Variants in HYDIN observed in about 807,000 individuals in gnomAD.
HYDIN encodes axonemal central pair apparatus protein HYDIN.
A neutral mutation model predicts 403.9 loss-of-function variants in HYDIN; 132 were observed. That is an observed-to-expected ratio of 0.33 (90% CI 0.28 to 0.38). HYDIN has a LOEUF of 0.38. Ranked by LOEUF, HYDIN falls within the 10% of genes least tolerant of loss-of-function variation. The pLI is 1.00. For synonymous variants in HYDIN, 1,202 were observed against 1,891.7 expected, an observed-to-expected ratio of 0.64 and a Z score of 9.46; for missense variants, 2,827 against 5,009.5, an observed-to-expected ratio of 0.56 and a Z score of 13.15.
chr16:71,116,635 A>C (rs1413049455), intron 9 of HYDIN, among the ~76,000 whole-genome samples: 2 of 152,164 alleles, frequency 1.3e-5, no homozygotes, highest in African/African-American at 4.8e-5. Context: ...GTACCAATCT[A>C]CAGTCCCACC....
intron 23 of HYDIN, among the ~76,000 whole-genome samples, chr16:71,006,250 C>A (rs900980660): frequency 6.8e-6 from 1 of 147,852 alleles, no homozygotes; most frequent in African/African-American, 2.5e-5. Context: ...AAAGGATGGT[C>A]AGTTAGAAGC....
chr16:71,193,564 A>C (rs1272034747), intron 1 of HYDIN, among the ~76,000 whole-genome samples: 1 of 152,218 alleles, frequency 6.6e-6, no homozygotes, highest in Non-Finnish European at 1.5e-5. Flanking sequence ...AGACATCCTT[A>C]GGCACAAAAT....
intron 58 of HYDIN, among the ~76,000 whole-genome samples, chr16:70,885,534 C>G (rs536951914): frequency 1.6e-4 from 25 of 152,152 alleles, no homozygotes; most frequent in African/African-American, 6.0e-4. Flanking sequence ...CAGCAGAAAG[C>G]TAGAAGAGAT....
intron 32 of HYDIN, 38 bp downstream of exon 32, chr16:70,974,496 C>T (rs766752371): frequency 6.4e-7 from 1 of 1,557,428 alleles, no homozygotes; most frequent in South Asian, 1.2e-5. Flanking sequence ...AGAGAAATGA[C>T]CAAGTGCAAT....
At chr16:70,942,719 A>G (rs1289659634) in intron 42 of HYDIN, among the ~76,000 whole-genome samples, 1 of 152,090 alleles carries the variant, frequency 6.6e-6, no homozygotes, top group African/African-American at 2.4e-5. Flanking sequence ...TGGCAACTGA[A>G]CAGGTACCGT....
chr16:70,978,579 C>T (rs1252805083), intron 30 of HYDIN, among the ~76,000 whole-genome samples: 1 of 152,188 alleles, frequency 6.6e-6, no homozygotes, highest in Non-Finnish European at 1.5e-5. Flanking sequence ...CACATGGCAG[C>T]CAGAGGGATC....
chr16:70,879,078 G>T (rs2040620292), intron 62 of HYDIN, among the ~76,000 whole-genome samples: 1 of 150,138 alleles, frequency 6.7e-6, no homozygotes, highest in Non-Finnish European at 1.5e-5. Flanking sequence ...CACTACCTTG[G>T]ACAGTAGTTA....
chr16:70,991,858 T>C, intron 24 of HYDIN, among the ~76,000 whole-genome samples: 1 of 151,970 alleles, frequency 6.6e-6, no homozygotes, highest in Non-Finnish European at 1.5e-5. Flanking sequence ...GAGAGGACAA[T>C]ATGATAGGAA....
intron 1 of HYDIN, among the ~76,000 whole-genome samples, chr16:71,187,824 G>A (rs1276215611): frequency 6.6e-6 from 1 of 151,970 alleles, no homozygotes; most frequent in Non-Finnish European, 1.5e-5. Flanking sequence ...TTTTAAAAAA[G>A]GAAAAAGGGG....
chr16:71,006,718 A>C (rs562299690), intron 23 of HYDIN, among the ~76,000 whole-genome samples: 2 of 151,270 alleles, frequency 1.3e-5, no homozygotes, highest in South Asian at 2.1e-4. Flanking sequence ...TCCACCCTGC[A>C]CTCAGCCCTC....
chr16:71,052,494 G>T (rs2081691401), intron 18 of HYDIN, among the ~76,000 whole-genome samples: 1 of 151,012 alleles, frequency 6.6e-6, no homozygotes, highest in Non-Finnish European at 1.5e-5. Context: ...CTGGATTAAA[G>T]ACATGAAAAA....
At chr16:71,133,302 T>C in intron 8 of HYDIN, 5 of 456,424 alleles carry the variant, frequency 1.1e-5, no homozygotes, top group South Asian at 7.8e-5. Context: ...GGAAAATGGA[T>C]CATGTGACTC....
chr16:71,209,222 A>G (rs921529771), intron 1 of HYDIN, among the ~76,000 whole-genome samples: 10 of 150,584 alleles, frequency 6.6e-5, no homozygotes, highest in African/African-American at 2.0e-4. Context: ...TATCCCCATG[A>G]TGCAAGGTTG....
At chr16:71,178,794 G>T in intron 4 of HYDIN, 134 bp downstream of exon 4, 1 of 760,608 alleles carries the variant, frequency 1.3e-6, no homozygotes, top group Non-Finnish European at 2.1e-6. Context: ...TACAATCAAA[G>T]AAGATGTTTT....
chr16:70,907,944 C>G (rs1597288559), intron 49 of HYDIN, among the ~76,000 whole-genome samples: 7 of 152,184 alleles, frequency 4.6e-5, no homozygotes, highest in African/African-American at 1.7e-4. Flanking sequence ...GGTTTCTATA[C>G]TACAGGATAG....
At chr16:71,197,488 A>C (rs2087758069) in intron 1 of HYDIN, among the ~76,000 whole-genome samples, 1 of 152,206 alleles carries the variant, frequency 6.6e-6, no homozygotes, top group Non-Finnish European at 1.5e-5. Flanking sequence ...TTTTAATTTC[A>C]GTTTCAATGA....
At chr16:70,808,540 A>C (rs1399248866) in intron 85 of HYDIN, among the ~76,000 whole-genome samples, 3 of 152,122 alleles carry the variant, frequency 2.0e-5, no homozygotes, top group Non-Finnish European at 4.4e-5. Context: ...AATATTTGAG[A>C]TGGTGCTTGA....
At chr16:70,874,945 T>A in intron 62 of HYDIN, 26 bp from the exon 63 acceptor site, 2 of 1,554,294 alleles carry the variant, frequency 1.3e-6, no homozygotes, top group Non-Finnish European at 1.7e-6. Flanking sequence ...CAGGGATGAG[T>A]GCTAGGCTTA....
intron 5 of HYDIN, among the ~76,000 whole-genome samples, chr16:71,165,274 T>C (rs1157636762): frequency 1.3e-5 from 2 of 151,592 alleles, no homozygotes; most frequent in African/African-American, 4.9e-5. Context: ...AGCCACAGGT[T>C]TCCCCTTCAG....
Sources: allele counts gnomAD v4.1 joint callset (sites outside exome capture counted in the v4.1 genomes callset), GRCh38; gene constraint gnomAD v4.1.1; transcripts MANE v1.5; gene names NCBI Gene and HGNC (gene_info 2026-07-23, HGNC 2026-07-21).